The following SLIT2 variants were observed in gnomAD, a reference collection of about 807,000 sequenced individuals.
SLIT2 encodes slit homolog 2 protein.
A neutral mutation model predicts 185.7 loss-of-function variants in SLIT2; 41 were observed. That is an observed-to-expected ratio of 0.22 (90% CI 0.17 to 0.29). SLIT2 has a LOEUF of 0.29. Among genes scored for constraint, SLIT2 ranks in the 10% least tolerant of loss-of-function variants. The pLI is 1.00. For synonymous variants in SLIT2, 693 were observed against 680.2 expected (o/e 1.02, Z -0.29); for missense variants, 1,571 against 1,909.0 (o/e 0.82, Z 3.30).
chr4:20,499,682 G>A (rs1449491494), intron 9 of SLIT2, among the ~76,000 whole-genome samples: 1 of 151,994 alleles, frequency 6.6e-6, no homozygotes, highest in African/African-American at 2.4e-5. Flanking sequence ...TAGAGATGGG[G>A]TTTCACTGTG....
chr4:20,608,942 A>AAT lies in SLIT2; in HGVS notation c.3693-1069_3693-1068dup, dbSNP rs527572038. 3.6e-3 allele frequency among the ~76,000 whole-genome samples: 550 copies of AAT among 152,272 alleles called. 17 individuals carry two copies. In the South Asian group the frequency reaches 0.054, roughly 15 times the overall value. On this transcript the variant is annotated intron_variant, in intron 33 of 36. Coordinates refer to ENST00000504154, the MANE Select transcript of SLIT2 (RefSeq NM_004787.4). ...CAGTATCCCAGCATGTTAGATCTTTAATAATCACCATTAACTTTTTGATCT... is the reference window on the plus strand; with the variant it reads ...CAGTATCCCAGCATGTTAGATCTTTAATATAATCACCATTAACTTTTTGATCT...
At chr4:20,518,589 T>TATATATA (rs1560495149) in intron 11 of SLIT2, among the ~76,000 whole-genome samples, 6 of 6,234 alleles carry the variant, frequency 9.6e-4, no homozygotes, top group African/African-American at 1.0e-3. Flanking sequence ...ATATATATAT[T>TATATATA]TTTTTTTTTT....
intron 4 of SLIT2, among the ~76,000 whole-genome samples, chr4:20,280,238 C>T (rs1714596508): frequency 1.3e-5 from 2 of 149,048 alleles, no homozygotes; most frequent in African/African-American, 5.0e-5. Context: ...GAGGCTGAGG[C>T]AGGAGAATGG....
At chr4:20,310,552 G>T (rs1260443637) in intron 4 of SLIT2, among the ~76,000 whole-genome samples, 2 of 152,026 alleles carry the variant, frequency 1.3e-5, no homozygotes, top group Non-Finnish European at 2.9e-5. Flanking sequence ...CTCCTGTCCT[G>T]TTCAGCATCG....
chr4:20,406,188 A>G (rs989603929), intron 4 of SLIT2, among the ~76,000 whole-genome samples: 1 of 144,518 alleles, frequency 6.9e-6, no homozygotes, highest in African/African-American at 2.4e-5. Flanking sequence ...TGAAAGATGA[A>G]AGACCAAACA....
At chr4:20,603,003 G>A (rs958135410) in intron 33 of SLIT2, among the ~76,000 whole-genome samples, 2 of 152,112 alleles carry the variant, frequency 1.3e-5, no homozygotes, top group African/African-American at 2.4e-5. Flanking sequence ...AGCACTTAGA[G>A]AATAGCATAA....
rs757150638 is a variant in SLIT2, at chr4:20,511,723, C to T, written c.1058+586C>T. On this transcript the variant is annotated intron_variant, in intron 11 of 36. Transcript: ENST00000504154. ...GATTACAGGCATGAGCCACCGTGCC[C>T]GGCCCATTTTTTTATTTCTAAAAGA... Among the ~76,000 whole-genome samples the T allele has an allele frequency of 1.5e-3, 228 of 150,984 alleles. 1 individual carries two copies. The highest frequency in any genetic ancestry group is 8.1e-4 in the Non-Finnish European group (55 of 67,794).
intron 4 of SLIT2, among the ~76,000 whole-genome samples, chr4:20,285,410 T>G (rs1210732474): frequency 6.6e-6 from 1 of 152,164 alleles, no homozygotes; most frequent in Non-Finnish European, 1.5e-5. Flanking sequence ...ACTCAGGTGA[T>G]CTCATTGTTA....
chr4:20,370,871 G>A (rs1723517038), intron 4 of SLIT2, among the ~76,000 whole-genome samples: 2 of 152,054 alleles, frequency 1.3e-5, no homozygotes, highest in South Asian at 4.1e-4. Context: ...GAAAATGTAT[G>A]CCGGATATAT....
Position 20,253,438 on chromosome 4 carries a change from C to G in SLIT2, c.-378C>G, listed in dbSNP as rs1722195916. 7 of 257,508 alleles carry G rather than the reference C, an allele frequency of 2.7e-5. No homozygotes were observed. In the South Asian group the frequency reaches 4.9e-4, roughly 18 times the overall value. 16.0% of individuals were successfully genotyped at this position (257,508 alleles called of 1,614,324 possible). Reference sequence around the variant, plus strand: ...AGAGGACCGCCCTCCCCACAACAACCGGCCCCTGCATCTTAGCAGCCGTTG... The same window carrying G: ...AGAGGACCGCCCTCCCCACAACAACGGGCCCCTGCATCTTAGCAGCCGTTG... On this transcript the variant is annotated 5_prime_UTR_variant, in exon 1 of 37. Coordinates refer to ENST00000504154, the MANE Select transcript of SLIT2 (RefSeq NM_004787.4).
At chr4:20,493,529 TAAG>T (rs1717970776) in intron 9 of SLIT2, among the ~76,000 whole-genome samples, 2 of 152,096 alleles carry the variant, frequency 1.3e-5, no homozygotes, top group South Asian at 2.1e-4. Context: ...AAAAACATAA[TAAG>T]AGATGAACAC....
In SLIT2 at chr4:20,254,801, T is replaced by C. The variant is rs1048133731; in HGVS notation, c.179+807T>C. The C allele has an allele frequency of 1.5e-5, 6 of 407,822 alleles. No individual in the cohort carries two copies. The allele number at this position is 407,822 out of a possible 1,614,324, so 25.3% of individuals were successfully genotyped here. A position where few individuals can be genotyped will look rare whatever the true frequency, so the allele number is the denominator to read the frequency against. On this transcript the variant is annotated intron_variant, in intron 1 of 36. Transcript: ENST00000504154. This position sits in a 1 kb window ranked among gnomAD's most constrained non-coding sequence, Gnocchi z 5.1. ...GGCTGCCCCCTCCGGCCCTTCCTGC[T>C]GAACCCCTGCGTCCCCATCCACCTT...
chr4:20,376,065 A>G (rs1417634374), intron 4 of SLIT2, among the ~76,000 whole-genome samples: 1 of 151,660 alleles, frequency 6.6e-6, no homozygotes, highest in Non-Finnish European at 1.5e-5. Flanking sequence ...TATAAAAGAA[A>G]TAAAAAATTT....
intron 11 of SLIT2, among the ~76,000 whole-genome samples, chr4:20,511,420 CTTTTTTTTTTT>C (rs1040955182): frequency 1.8e-4 from 22 of 122,058 alleles, no homozygotes; most frequent in Non-Finnish European, 3.7e-4. Context: ...TTTTTTATTT[CTTTTTTTTTTT>C]TTTTTTTTGA....
intron 4 of SLIT2, among the ~76,000 whole-genome samples, chr4:20,298,944 T>C (rs1716776306): frequency 3.3e-5 from 5 of 152,212 alleles, no homozygotes; most frequent in Admixed American, 3.3e-4. Context: ...TTGTAATTTA[T>C]TGCATTATTT....
chr4:20,614,559 C>T (rs1729493612), intron 34 of SLIT2, among the ~76,000 whole-genome samples: 1 of 151,834 alleles, frequency 6.6e-6, no homozygotes, highest in Non-Finnish European at 1.5e-5. Flanking sequence ...GGGTGGATCA[C>T]CTGAGGTCGG....
rs757809283 is a variant in SLIT2, at chr4:20,568,927, A to C, written c.3011A>C (p.Asp1004Ala). 2.5e-6 allele frequency: 4 copies of C among 1,612,438 alleles called. No homozygotes were observed. The South Asian group carries it at 4.4e-5, about 18-fold the overall frequency. ...GAAGTCAACGTTGATGATTGTGAAG[A>C]TAATGACTGTGAAAATAATTCTACA... ...NCEVNVDDCEDNDCENNSTCV... is the reference protein window; with the variant it reads ...NCEVNVDDCEANDCENNSTCV... The change falls in exon 29 of 37, where the codon GAT becomes GCT. Residue 1004 changes from aspartate (D) to alanine (A), a missense_variant. Physicochemically the swap from Asp to Ala is moderately radical, Grantham distance 126. Around this residue, in one of 3 missense-constraint regions of SLIT2, gnomAD observed 1,202 missense variants for 1,416.4 expected, o/e 0.85. Coordinates refer to ENST00000504154, the MANE Select transcript of SLIT2 (RefSeq NM_004787.4).
chr4:20,341,177 G>C (rs1195946311), intron 4 of SLIT2, among the ~76,000 whole-genome samples: 1 of 152,190 alleles, frequency 6.6e-6, no homozygotes, highest in African/African-American at 2.4e-5. Flanking sequence ...TTGAAATAAA[G>C]AGCAAGGGGT....
chr4:20,414,768 G>A (rs1330904046), intron 4 of SLIT2, among the ~76,000 whole-genome samples: 1 of 152,040 alleles, frequency 6.6e-6, no homozygotes, highest in East Asian at 1.9e-4. Flanking sequence ...TGTGAATGAT[G>A]GTCCGCTTTT....
Sources: allele counts gnomAD v4.1 joint callset (sites outside exome capture counted in the v4.1 genomes callset), GRCh38; gene constraint gnomAD v4.1.1; regional missense constraint gnomAD v4.1.1; non-coding constraint Gnocchi (gnomAD v3.1); transcripts MANE v1.5; gene names NCBI Gene and HGNC (gene_info 2026-07-23, HGNC 2026-07-21).